Variants in ANKFY1 observed in about 807,000 individuals in gnomAD.
The protein encoded by ANKFY1 is ankyrin repeat and FYVE domain-containing protein 1.
In ANKFY1, 47 loss-of-function variants were observed where a neutral mutation model predicts 128.3. The ratio of observed to expected loss-of-function variants is 0.37; its 90% CI spans 0.29 to 0.47. The LOEUF (loss-of-function observed/expected upper bound fraction) is 0.47. ANKFY1 is among the 20% of genes least tolerant of loss of function. The pLI is 1.00. For missense variants in ANKFY1, 1,222 were observed against 1,510.6 expected (o/e 0.81, Z 3.17); for synonymous variants, 553 against 601.6 (o/e 0.92, Z 1.18).
intron 3 of ANKFY1, chr17:4,222,958 G>T (rs2143110508): frequency 1.6e-6 from 2 of 1,235,266 alleles, no homozygotes; most frequent in Non-Finnish European, 2.4e-6. Flanking sequence ...GACTTGAGAA[G>T]TGTCACTCTT....
intron 3 of ANKFY1, among the ~76,000 whole-genome samples, chr17:4,235,357 A>G (rs1453688474): frequency 3.3e-5 from 5 of 150,158 alleles, no homozygotes; most frequent in Non-Finnish European, 7.4e-5. Flanking sequence ...AAAAAAAAAG[A>G]AAAAAAAAGT....
At chr17:4,216,846 G>C in intron 4 of ANKFY1, 137 bp downstream of exon 4, 1 of 1,210,988 alleles carries the variant, frequency 8.3e-7, no homozygotes. Context: ...GGTAACATCT[G>C]TCCCCAGCAT....
intron 21 of ANKFY1, 75 bp downstream of exon 21, chr17:4,173,279 G>T: frequency 7.0e-7 from 1 of 1,434,922 alleles, no homozygotes; most frequent in Non-Finnish European, 9.8e-7. Flanking sequence ...TGGGGCTGAT[G>T]GGAGGCACCA....
At chr17:4,234,509 C>CTT (rs201777022) in intron 3 of ANKFY1, among the ~76,000 whole-genome samples, 2 of 143,242 alleles carry the variant, frequency 1.4e-5, no homozygotes. Flanking sequence ...TTAATTTTTT[C>CTT]TTTTTTTTTT....
At chr17:4,175,096 A>C (rs1322351522) in intron 19 of ANKFY1, among the ~76,000 whole-genome samples, 1 of 150,582 alleles carries the variant, frequency 6.6e-6, no homozygotes, top group Non-Finnish European at 1.5e-5. Context: ...ACTTTGGGAG[A>C]CTGAGGCGGG....
chr17:4,222,511 G>T, intron 3 of ANKFY1: 1 of 952,878 alleles, frequency 1.0e-6, no homozygotes, highest in South Asian at 1.3e-5. Context: ...TGTTCAGGGA[G>T]AAGTTCTACG....
intron 2 of ANKFY1, 122 bp from the exon 3 acceptor site, chr17:4,236,012 A>T: frequency 1.5e-6 from 1 of 682,030 alleles, no homozygotes; most frequent in Admixed American, 2.4e-5. Flanking sequence ...AAAAAATTAC[A>T]GCGAAGAATT....
chr17:4,193,744 T>A (rs909488096), intron 10 of ANKFY1, among the ~76,000 whole-genome samples: 5 of 150,700 alleles, frequency 3.3e-5, no homozygotes, highest in South Asian at 2.1e-4. Context: ...AATTTTTTTT[T>A]ATTTTATTTT....
At chr17:4,184,786 C>A in intron 12 of ANKFY1, 32 bp downstream of exon 12, 1 of 1,598,956 alleles carries the variant, frequency 6.3e-7, no homozygotes, top group South Asian at 1.1e-5. Flanking sequence ...GTCCCCAAGT[C>A]AAAAGGATGG....
intron 10 of ANKFY1, 26 bp downstream of exon 10, chr17:4,194,952 G>A (rs917271287): frequency 4.3e-5 from 70 of 1,613,494 alleles, no homozygotes; most frequent in African/African-American, 1.3e-4. Context: ...CCCCAGCGTC[G>A]CCCCTTCGGG....
rs1597992967 is a variant in ANKFY1, at chr17:4,166,262, GAACA to G, written c.*1513_*1516del. On this transcript the variant is annotated 3_prime_UTR_variant, in exon 25 of 25. Coordinates refer to ENST00000341657, the MANE Select transcript of ANKFY1 (RefSeq NM_001330063.2). ...GAGGACACACTATCCAGAAAAGAAT[GAACA>G]AAGAACAGGCTGTTGCAAAAATATT... The G allele has an allele frequency of 1.3e-5, 2 of 152,276 alleles. No individual in the cohort carries two copies. Among genetic ancestry groups the G allele is most frequent in the East Asian group, 3.9e-4 (2 of 5,188 alleles). The allele number at this position is 152,276 out of a possible 1,614,324, so 9.4% of individuals were successfully genotyped here. A position where few individuals can be genotyped will look rare whatever the true frequency, so the allele number is the denominator to read the frequency against.
chr17:4,235,528 T>C lies in ANKFY1; in HGVS notation c.322+244A>G, dbSNP rs541370644. 1.8e-4 allele frequency among the ~76,000 whole-genome samples: 27 copies of C among 152,210 alleles called. 2 individuals carry two copies. In the South Asian group the frequency reaches 5.0e-3, roughly 28 times the overall value. On this transcript the variant is annotated intron_variant, in intron 3 of 24. Coordinates refer to ENST00000341657, the MANE Select transcript of ANKFY1 (RefSeq NM_001330063.2). The stretch of plus-strand genomic sequence containing the variant: ...TTACATTTTATAAATCATAAGGACA[T>C]TGCAGATACTCAAATATTTACGATT...
intron 3 of ANKFY1, among the ~76,000 whole-genome samples, chr17:4,217,938 C>A (rs896445147): frequency 6.6e-6 from 1 of 152,282 alleles, no homozygotes; most frequent in African/African-American, 2.4e-5. Flanking sequence ...ACTGCCTCGG[C>A]CTCCTAAAGC....
chr17:4,171,645 C>A lies in ANKFY1; in HGVS notation c.3140-784G>T, dbSNP rs370181986. ...ACGGAGCCCCTCCCTGCTGCCTGTT[C>A]CTGTTTCCCTGCTCCTGGGCAAGGT... On this transcript the variant is annotated intron_variant, in intron 22 of 24. Coordinates refer to ENST00000341657, the MANE Select transcript of ANKFY1 (RefSeq NM_001330063.2). Among the ~76,000 whole-genome samples the A allele has an allele frequency of 1.7e-4, 26 of 152,192 alleles. 1 individual carries two copies. Among genetic ancestry groups the A allele is most frequent in the East Asian group, 1.5e-3 (8 of 5,200 alleles).
intron 1 of ANKFY1, among the ~76,000 whole-genome samples, chr17:4,256,773 T>C (rs953935396): frequency 4.6e-5 from 7 of 152,216 alleles, no homozygotes; most frequent in Non-Finnish European, 1.0e-4. Flanking sequence ...TTGTCATCTC[T>C]GGCACAGTAG....
At chr17:4,194,103 A>ATATTT (rs1555627694) in intron 10 of ANKFY1, among the ~76,000 whole-genome samples, 3 of 108,164 alleles carry the variant, frequency 2.8e-5, no homozygotes, top group African/African-American at 1.5e-4. Context: ...ATATATATAT[A>ATATTT]TTTTTTTTTT....
At chr17:4,223,839 C>T (rs1440293710) in intron 3 of ANKFY1, 6 of 1,180,530 alleles carry the variant, frequency 5.1e-6, no homozygotes, top group Admixed American at 2.1e-5. Context: ...ACTCTTCTCT[C>T]GCAATCCCAC....
At chr17:4,191,244 A>G in intron 10 of ANKFY1, 1 of 152,330 alleles carries the variant, frequency 6.6e-6, no homozygotes, top group East Asian at 1.9e-4. Context: ...TGGTTGCTCT[A>G]TACTGGAGAC....
intron 1 of ANKFY1, among the ~76,000 whole-genome samples, chr17:4,252,506 C>A (rs951927033): frequency 1.3e-5 from 2 of 151,770 alleles, no homozygotes; most frequent in African/African-American, 4.8e-5. Context: ...GAGTTCGAGG[C>A]TGCAGTGAGC....
Sources: gnomAD v4.1 joint callset for allele counts (sites outside exome capture counted in the v4.1 genomes callset) on GRCh38, gnomAD v4.1.1 for gene constraint, MANE v1.5 for transcripts, NCBI Gene and HGNC (gene_info 2026-07-23, HGNC 2026-07-21) for gene names.